The following CTNNA3 variants were observed in gnomAD, a reference collection of about 807,000 sequenced individuals.
The protein encoded by CTNNA3 is catenin alpha 3, also known as catenin alpha-3.
In CTNNA3, 76 loss-of-function variants were observed where a neutral mutation model predicts 95.7. The ratio of observed to expected loss-of-function variants is 0.79; its 90% CI spans 0.66 to 0.96. The LOEUF (loss-of-function observed/expected upper bound fraction) is 0.96. Ranked by LOEUF, CTNNA3 falls within the 40% of genes least tolerant of loss-of-function variation. The probability of loss-of-function intolerance (pLI) is 0.00; values close to 1 mark genes in which losing one functional copy is unlikely to be tolerated. For synonymous variants in CTNNA3, 431 were observed against 374.4 expected, an observed-to-expected ratio of 1.15 and a Z score of -1.74; for missense variants, 1,191 against 1,089.8, an observed-to-expected ratio of 1.09 and a Z score of -1.31.
chr10:67,237,581 A>G (rs911196319), intron 5 of CTNNA3, among the ~76,000 whole-genome samples: 1 of 152,116 alleles, frequency 6.6e-6, no homozygotes, highest in Non-Finnish European at 1.5e-5. Context: ...TTGCCTAAGT[A>G]TAATAGAAAA....
intron 15 of CTNNA3, among the ~76,000 whole-genome samples, chr10:66,047,915 A>AC (rs2133523275): frequency 6.6e-6 from 1 of 152,296 alleles, no homozygotes; most frequent in Non-Finnish European, 1.5e-5. Context: ...AATACAGCTA[A>AC]CCAGGGAGGT....
At chr10:66,880,428 C>T (rs775749758) in intron 7 of CTNNA3, among the ~76,000 whole-genome samples, 2 of 152,060 alleles carry the variant, frequency 1.3e-5, no homozygotes, top group East Asian at 1.9e-4. Flanking sequence ...TGACTTTGCA[C>T]GAGCAAAAAC....
intron 2 of CTNNA3, among the ~76,000 whole-genome samples, chr10:67,618,065 A>C (rs1340257444): frequency 6.6e-6 from 1 of 152,184 alleles, no homozygotes; most frequent in Non-Finnish European, 1.5e-5. Flanking sequence ...GCTGTAATTT[A>C]TTCCTAAATC....
At chr10:67,589,850 C>G (rs971079623) in intron 3 of CTNNA3, among the ~76,000 whole-genome samples, 2 of 152,094 alleles carry the variant, frequency 1.3e-5, no homozygotes, top group African/African-American at 2.4e-5. Flanking sequence ...CTAAATTTGA[C>G]TGACAAATCT....
chr10:66,549,200 T>A (rs1005601060), intron 10 of CTNNA3, among the ~76,000 whole-genome samples: 11 of 151,960 alleles, frequency 7.2e-5, no homozygotes, highest in Non-Finnish European at 1.3e-4. Context: ...TTCACCTTGT[T>A]AGCCAGGATG....
At chr10:66,036,572 T>C (rs573998938) in intron 15 of CTNNA3, among the ~76,000 whole-genome samples, 11 of 151,746 alleles carry the variant, frequency 7.2e-5, no homozygotes, top group African/African-American at 2.4e-4. Context: ...GATGGGGTTT[T>C]GCCGTATTGG....
chr10:67,061,814 T>C (rs2182161), intron 7 of CTNNA3, among the ~76,000 whole-genome samples: 77,048 of 152,030 alleles, frequency 0.51, 19,867 homozygotes, highest in Middle Eastern at 0.64. Flanking sequence ...AACAAATTCC[T>C]CATTGGCAGA....
intron 15 of CTNNA3, among the ~76,000 whole-genome samples, chr10:66,037,115 G>A (rs1015378811): frequency 7.9e-5 from 12 of 151,760 alleles, no homozygotes; most frequent in East Asian, 3.9e-4. Flanking sequence ...CTCGTGATCC[G>A]CCCATCTCGG....
intron 9 of CTNNA3, among the ~76,000 whole-genome samples, chr10:66,646,962 C>G (rs1351347883): frequency 6.6e-6 from 1 of 151,642 alleles, no homozygotes; most frequent in Non-Finnish European, 1.5e-5. Flanking sequence ...TATTCTGACA[C>G]TTTGAGAGGG....
At chr10:66,099,390 G>A (rs181653360) in intron 14 of CTNNA3, among the ~76,000 whole-genome samples, 11 of 152,286 alleles carry the variant, frequency 7.2e-5, no homozygotes, top group African/African-American at 2.6e-4. Context: ...TAATGTCTCA[G>A]ATGGATAAGA....
intron 3 of CTNNA3, among the ~76,000 whole-genome samples, chr10:67,588,129 T>A (rs570738932): frequency 6.6e-6 from 1 of 152,160 alleles, no homozygotes; most frequent in Non-Finnish European, 1.5e-5. Context: ...TTTACATTGG[T>A]TTCAGATGTC....
At chr10:66,172,549 G>C (rs2085488584) in intron 13 of CTNNA3, among the ~76,000 whole-genome samples, 1 of 151,794 alleles carries the variant, frequency 6.6e-6, no homozygotes, top group African/African-American at 2.4e-5. Flanking sequence ...CAGACATTTT[G>C]TTATGATTTT....
At chr10:66,559,160 A>T (rs960089886) in intron 10 of CTNNA3, among the ~76,000 whole-genome samples, 1 of 152,042 alleles carries the variant, frequency 6.6e-6, no homozygotes, top group African/African-American at 2.4e-5. Context: ...TTACCTATAC[A>T]AATCATCTCC....
chr10:67,149,323 C>T (rs930748161), intron 7 of CTNNA3, among the ~76,000 whole-genome samples: 4 of 152,062 alleles, frequency 2.6e-5, no homozygotes, highest in Admixed American at 1.3e-4. Flanking sequence ...CAGTGGCTCA[C>T]GGCTGTAATC....
intron 7 of CTNNA3, among the ~76,000 whole-genome samples, chr10:67,032,272 T>G (rs569885699): frequency 1.4e-4 from 22 of 152,298 alleles, no homozygotes; most frequent in South Asian, 4.1e-4. Flanking sequence ...ATTGCTTTTT[T>G]TTTGTTTGTT....
intron 11 of CTNNA3, among the ~76,000 whole-genome samples, chr10:66,507,781 T>G (rs1436351559): frequency 6.6e-6 from 1 of 152,162 alleles, no homozygotes; most frequent in Non-Finnish European, 1.5e-5. Context: ...TTCCATACCC[T>G]GGCTATTGAG....
At chr10:67,541,317 T>C (rs1840678555) in intron 3 of CTNNA3, among the ~76,000 whole-genome samples, 1 of 152,026 alleles carries the variant, frequency 6.6e-6, no homozygotes, top group African/African-American at 2.4e-5. Context: ...ATAAATATTT[T>C]AGTTTCATTG....
intron 3 of CTNNA3, among the ~76,000 whole-genome samples, chr10:67,574,555 C>CT (rs1320191687): frequency 6.8e-6 from 1 of 146,772 alleles, no homozygotes; most frequent in African/African-American, 2.5e-5. Flanking sequence ...AAATTGTATT[C>CT]TTACATTGAC....
chr10:66,478,108 A>G (rs1839389686), intron 11 of CTNNA3, among the ~76,000 whole-genome samples: 1 of 152,128 alleles, frequency 6.6e-6, no homozygotes, highest in Non-Finnish European at 1.5e-5. Flanking sequence ...ATTATTTTCC[A>G]GCAATGCTCC....
Sources: gnomAD v4.1 joint callset for allele counts (sites outside exome capture counted in the v4.1 genomes callset) on GRCh38, gnomAD v4.1.1 for gene constraint, MANE v1.5 for transcripts, NCBI Gene and HGNC (gene_info 2026-07-23, HGNC 2026-07-21) for gene names.